The following LIPI variants were observed in gnomAD, a reference collection of about 807,000 sequenced individuals.
LIPI encodes the protein lipase I.
LIPI carries 59 observed loss-of-function variants against 50.6 expected under a neutral mutation model. The observed-to-expected ratio is 1.16, with a 90% CI of 0.94 to 1.45. LIPI has a LOEUF of 1.45. Ranked by LOEUF, LIPI falls within the 40% of genes most tolerant of loss-of-function variation. The pLI, the probability that LIPI is intolerant of heterozygous loss-of-function variation, is 0.00. For synonymous variants in LIPI, 203 were observed against 178.2 expected (o/e 1.14, Z -1.11); for missense variants, 586 against 536.3 (o/e 1.09, Z -0.92).
At chr21:14,110,350 ATTTG>A (rs5842468) in intron 9 of LIPI, among the ~76,000 whole-genome samples, 45,449 of 150,584 alleles carry the variant, frequency 0.3, 7,130 homozygotes, top group East Asian at 0.44. Context: ...TTTTTTATTT[ATTTG>A]TTTATTTTAA....
intron 9 of LIPI, among the ~76,000 whole-genome samples, chr21:14,119,085 GCATCCAATTAGCCCCTGTAAGCCGAGA>G (rs2016765329): frequency 6.6e-6 from 1 of 152,140 alleles, no homozygotes; most frequent in Non-Finnish European, 1.5e-5. Flanking sequence ...GCATTCTTCT[GCATCCAATTAGCCCCTGTAAGCCGAGA>G]CATTTTTGCC....
chr21:14,189,522 A>C, intron 1 of LIPI, 103 bp from the exon 2 acceptor site: 1 of 1,002,166 alleles, frequency 1.0e-6, no homozygotes, highest in African/African-American at 1.6e-5. Flanking sequence ...GGAGGATTTC[A>C]TTTCATGAGC....
Position 14,189,245 on chromosome 21 carries a change from T to C in LIPI, c.221A>G (p.Lys74Arg). 2.5e-6 allele frequency: 4 copies of C among 1,614,066 alleles called. No individual in the cohort carries two copies. The highest frequency in any genetic ancestry group is 3.4e-6 in the Non-Finnish European group (4 of 1,179,932). ...NSLNVNFNTQ[K>R]KTVWLIHGYR... ...TCCGTGAATAAGCCAGACTGTTTTC[T>C]TTTGTGTGTTGAAATTAACATTAAG... The change falls in exon 2 of 10, where the codon AAG becomes AGG. Residue 74 changes from lysine (K) to arginine (R), a missense_variant. Physicochemically the swap from Lys to Arg is conservative, Grantham distance 26 (BLOSUM62 2). Transcript: ENST00000681601.
chr21:14,153,734 T>C (rs1210061789), intron 7 of LIPI, among the ~76,000 whole-genome samples: 1 of 152,036 alleles, frequency 6.6e-6, no homozygotes, highest in Non-Finnish European at 1.5e-5. Flanking sequence ...GAAATGATGC[T>C]AAAGGACAAA....
At chr21:14,209,929 C>T (rs1323342931) in intron 1 of LIPI, among the ~76,000 whole-genome samples, 2 of 151,836 alleles carry the variant, frequency 1.3e-5, no homozygotes, top group Non-Finnish European at 2.9e-5. Context: ...ATATCAGTAT[C>T]ATTTAGTTTC....
intron 9 of LIPI, among the ~76,000 whole-genome samples, chr21:14,129,046 A>G (rs1013791901): frequency 1.3e-5 from 2 of 152,098 alleles, no homozygotes; most frequent in African/African-American, 4.8e-5. Context: ...AGTTTCACAG[A>G]AGTATTTGGA....
chr21:14,146,598 A>G (rs1016402388), intron 8 of LIPI, among the ~76,000 whole-genome samples: 1 of 152,098 alleles, frequency 6.6e-6, no homozygotes, highest in Non-Finnish European at 1.5e-5. Context: ...TTTTTCCAAA[A>G]GAAAAATCCA....
chr21:14,186,452 T>C (rs976874292), intron 2 of LIPI, among the ~76,000 whole-genome samples: 1 of 152,210 alleles, frequency 6.6e-6, no homozygotes, highest in Admixed American at 6.5e-5. Context: ...TTATGAGTTA[T>C]TCATTTTTAT....
intron 4 of LIPI, among the ~76,000 whole-genome samples, chr21:14,180,283 T>G (rs2019228626): frequency 6.6e-6 from 1 of 152,148 alleles, no homozygotes; most frequent in African/African-American, 2.4e-5. Context: ...CTTATCAATA[T>G]TTCTGCTTTT....
chr21:14,166,599 T>C (rs901152102), intron 4 of LIPI, 148 bp from the exon 5 acceptor site: 1 of 643,658 alleles, frequency 1.6e-6, no homozygotes, highest in Non-Finnish European at 2.8e-6. Context: ...GATAAGTTTT[T>C]CTTCTATAAT....
intron 8 of LIPI, among the ~76,000 whole-genome samples, chr21:14,147,565 A>T (rs2017949939): frequency 6.6e-6 from 1 of 152,168 alleles, no homozygotes; most frequent in Non-Finnish European, 1.5e-5. Flanking sequence ...CATCTAATTT[A>T]TATAAGAGCA....
intron 1 of LIPI, among the ~76,000 whole-genome samples, chr21:14,202,891 C>A (rs1005441979): frequency 2.0e-5 from 3 of 152,026 alleles, no homozygotes; most frequent in Non-Finnish European, 2.9e-5. Context: ...TCAGAGTGAA[C>A]AGGCAACCTA....
At chr21:14,119,845 G>A (rs888401057) in intron 9 of LIPI, among the ~76,000 whole-genome samples, 4 of 152,156 alleles carry the variant, frequency 2.6e-5, no homozygotes, top group South Asian at 2.1e-4. Flanking sequence ...GGAACTGGCC[G>A]CCACTGCCTT....
chr21:14,123,403 G>A (rs920488731), intron 9 of LIPI, among the ~76,000 whole-genome samples: 3 of 152,072 alleles, frequency 2.0e-5, no homozygotes, highest in Admixed American at 6.6e-5. Flanking sequence ...GACTATATTG[G>A]ATCTGTAAGA....
At chr21:14,117,682 C>T (rs1033169830) in intron 9 of LIPI, among the ~76,000 whole-genome samples, 1 of 152,082 alleles carries the variant, frequency 6.6e-6, no homozygotes, top group African/African-American at 2.4e-5. Flanking sequence ...ACCTTTTGAC[C>T]CAGAAGTGGC....
At chr21:14,203,740 T>C (rs376568415) in intron 1 of LIPI, among the ~76,000 whole-genome samples, 3 of 151,408 alleles carry the variant, frequency 2.0e-5, no homozygotes, top group East Asian at 3.9e-4. Context: ...TGTTACATGA[T>C]ATTTAATGTA....
chr21:14,180,368 A>G lies in LIPI; in HGVS notation c.643+1390T>C, dbSNP rs140686053. On this transcript the variant is annotated intron_variant, in intron 4 of 9. Coordinates refer to ENST00000681601, the MANE Select transcript of LIPI (RefSeq NM_001302998.2). The stretch of plus-strand genomic sequence containing the variant: ...CCTTCCCTTTTTAAAACCCTTAATA[A>G]AAACTTGCTGGTCTGAGACTCAAGC... 6.6e-5 allele frequency among the ~76,000 whole-genome samples: 10 copies of G among 152,314 alleles called. No homozygotes were observed. In the East Asian group the frequency reaches 1.9e-3, roughly 29 times the overall value.
chr21:14,137,800 T>G (rs986612800), intron 9 of LIPI, among the ~76,000 whole-genome samples: 8 of 152,120 alleles, frequency 5.3e-5, no homozygotes, highest in African/African-American at 1.9e-4. Context: ...AAAGACTACC[T>G]TGAGGCATTT....
intron 4 of LIPI, among the ~76,000 whole-genome samples, chr21:14,172,038 C>T (rs1008713471): frequency 1.3e-5 from 2 of 152,062 alleles, no homozygotes; most frequent in African/African-American, 4.8e-5. Flanking sequence ...CAAACAACCC[C>T]ATCAAAAAAT....
Sources: gnomAD v4.1 joint callset for allele counts (sites outside exome capture counted in the v4.1 genomes callset) on GRCh38, gnomAD v4.1.1 for gene constraint, MANE v1.5 for transcripts, NCBI Gene and HGNC (gene_info 2026-07-23, HGNC 2026-07-21) for gene names.